MAPK8IP3: variants seen among roughly 807,000 people sequenced by gnomAD.
MAPK8IP3 encodes the protein mitogen-activated protein kinase 8 interacting protein 3.
Under a neutral mutation model 157.8 loss-of-function variants are expected in MAPK8IP3, and 49 were observed. The observed-to-expected ratio is 0.31, with a 90% CI of 0.25 to 0.39. The LOEUF is 0.39. MAPK8IP3 is among the 10% of genes least tolerant of loss of function. MAPK8IP3 has a pLI of 1.00. For missense variants in MAPK8IP3, 1,478 were observed against 1,889.4 expected (o/e 0.78, Z 4.04); for synonymous variants, 897 against 777.7 (o/e 1.15, Z -2.55).
At chr16:1,763,123 G>C (rs1218929410) in intron 16 of MAPK8IP3, 117 bp downstream of exon 16, 2 of 1,365,888 alleles carry the variant, frequency 1.5e-6, no homozygotes, top group Admixed American at 3.9e-5. Context: ...CACCTTGCTG[G>C]CCACATGCCA....
chr16:1,735,676 C>T (rs7404365), intron 4 of MAPK8IP3, among the ~76,000 whole-genome samples: 4 of 140,504 alleles, frequency 2.8e-5, no homozygotes, highest in Non-Finnish European at 4.6e-5. Context: ...TCCGTGTGAC[C>T]GTCCGTGTGA....
intron 4 of MAPK8IP3, among the ~76,000 whole-genome samples, chr16:1,737,951 C>T (rs1358160573): frequency 1.9e-5 from 1 of 52,338 alleles, no homozygotes; most frequent in Non-Finnish European, 3.4e-5. Context: ...TGTGACTGTC[C>T]GTGTGAGCGT....
chr16:1,767,123 G>C (rs781272461), intron 25 of MAPK8IP3, 26 bp from the exon 26 acceptor site: 5 of 1,611,976 alleles, frequency 3.1e-6, no homozygotes, highest in Non-Finnish European at 4.2e-6. Context: ...GGCCAGGCCT[G>C]AGCAGGTGTC....
chr16:1,715,692 G>T lies in MAPK8IP3; in HGVS notation c.319-8865G>T, dbSNP rs1037450541. On this transcript the variant is annotated intron_variant, in intron 1 of 31. Transcript: ENST00000610761. Reference sequence around the variant, plus strand: ...GCCAGAGCTGAATTGTTTCTCGCTGGTGAGCCTGGCCTAACAAACGTATGA... The same window carrying T: ...GCCAGAGCTGAATTGTTTCTCGCTGTTGAGCCTGGCCTAACAAACGTATGA... Among the ~76,000 whole-genome samples the T allele has an allele frequency of 2.6e-5, 4 of 152,150 alleles. No homozygotes were observed. The East Asian group carries it at 7.7e-4, about 29-fold the overall frequency.
chr16:1,721,013 AC>A (rs764063657), intron 1 of MAPK8IP3, among the ~76,000 whole-genome samples: 1 of 150,822 alleles, frequency 6.6e-6, no homozygotes, highest in Non-Finnish European at 1.5e-5. Flanking sequence ...AACCTAGGCA[AC>A]AAGAGCAAAA....
At chr16:1,759,833 T>C in intron 10 of MAPK8IP3, 125 bp from the exon 11 acceptor site, 1 of 813,636 alleles carries the variant, frequency 1.2e-6, no homozygotes, top group East Asian at 2.5e-5. Flanking sequence ...CCGCTCCCTG[T>C]AGATCGGGCG....
intron 4 of MAPK8IP3, among the ~76,000 whole-genome samples, chr16:1,730,592 C>T (rs990735125): frequency 6.6e-6 from 1 of 151,864 alleles, no homozygotes; most frequent in Non-Finnish European, 1.5e-5. Flanking sequence ...TCCTGTAATC[C>T]CAGCACTTTG....
intron 4 of MAPK8IP3, among the ~76,000 whole-genome samples, chr16:1,736,758 CCGTGTGACCGTCTGTGTGACCATCCG>C (rs2039907683): frequency 1.9e-5 from 1 of 53,998 alleles, no homozygotes. Flanking sequence ...ATGTGAGCAT[CCGTGTGACCGTCTGTGTGACCATCCG>C]TGTGTGACCG....
intron 4 of MAPK8IP3, among the ~76,000 whole-genome samples, chr16:1,731,726 TAAAG>T (rs1472441766): frequency 6.6e-6 from 1 of 152,208 alleles, no homozygotes; most frequent in Non-Finnish European, 1.5e-5. Context: ...TTTTGTAAAA[TAAAG>T]GAAGTAGAAC....
At chr16:1,711,266 G>C (rs1052132663) in intron 1 of MAPK8IP3, among the ~76,000 whole-genome samples, 1 of 152,256 alleles carries the variant, frequency 6.6e-6, no homozygotes, top group Non-Finnish European at 1.5e-5. Flanking sequence ...AGGGGTCCCT[G>C]TGTCCTTGTT....
At chr16:1,755,834 G>A (rs1370695196) in intron 8 of MAPK8IP3, among the ~76,000 whole-genome samples, 4 of 141,384 alleles carry the variant, frequency 2.8e-5, no homozygotes, top group Non-Finnish European at 6.0e-5. Flanking sequence ...CCTGGTGACA[G>A]AGTGAGAGTC....
At position 1,768,859 on chromosome 16, in the gene MAPK8IP3, G is replaced by A; in HGVS notation, c.*35G>A. On this transcript the variant is annotated 3_prime_UTR_variant, in exon 32 of 32. Transcript: ENST00000610761. ...CCTGCCTGGCCCGACCTGTACATAG[G>A]ACCCCCGACCACCTGACCCCCGCCC... 1.2e-6 allele frequency: 2 copies of A among 1,603,214 alleles called. No homozygotes were observed. The highest frequency in any genetic ancestry group is 1.7e-6 in the Non-Finnish European group (2 of 1,175,428).
At chr16:1,763,416 G>A (rs1000916419) in intron 16 of MAPK8IP3, among the ~76,000 whole-genome samples, 9 of 152,252 alleles carry the variant, frequency 5.9e-5, no homozygotes, top group Admixed American at 2.6e-4. Context: ...TCTGGGTCGA[G>A]CAGGGGCCAG....
chr16:1,736,204 G>A (rs2039789690), intron 4 of MAPK8IP3, among the ~76,000 whole-genome samples: 1 of 101,798 alleles, frequency 9.8e-6, no homozygotes, highest in Non-Finnish European at 2.1e-5. Flanking sequence ...GTGAGCATGT[G>A]TGACCATCCG....
intron 8 of MAPK8IP3, among the ~76,000 whole-genome samples, chr16:1,749,210 G>T (rs558863136): frequency 1.3e-5 from 2 of 152,298 alleles, no homozygotes; most frequent in East Asian, 3.9e-4. Context: ...AGTGCACGGT[G>T]CGGTGGGTTA....
At chr16:1,738,254 G>C (rs543017977) in intron 4 of MAPK8IP3, among the ~76,000 whole-genome samples, 1 of 95,476 alleles carries the variant, frequency 1.0e-5, no homozygotes, top group Admixed American at 1.1e-4. Context: ...GAGCATCCGT[G>C]TGAGCGTGTG....
intron 1 of MAPK8IP3, among the ~76,000 whole-genome samples, chr16:1,721,040 A>C (rs1481309898): frequency 6.6e-6 from 1 of 151,808 alleles, no homozygotes; most frequent in Non-Finnish European, 1.5e-5. Context: ...TCTCAAAAAA[A>C]AAAAAAACAA....
At chr16:1,761,148 G>A (rs2041909904) in intron 12 of MAPK8IP3, 76 bp from the exon 13 acceptor site, 10 of 1,166,560 alleles carry the variant, frequency 8.6e-6, no homozygotes, top group Admixed American at 1.7e-5. Flanking sequence ...CAGGTTCGGG[G>A]CGGGCACTGC....
chr16:1,729,703 A>G (rs1001997332), intron 4 of MAPK8IP3, 125 bp downstream of exon 4: 13 of 909,500 alleles, frequency 1.4e-5, no homozygotes, highest in Non-Finnish European at 2.2e-5. Context: ...ACGACAGGGA[A>G]CACTCTGGAG....
Sources: gnomAD v4.1 joint callset for allele counts (sites outside exome capture counted in the v4.1 genomes callset) on GRCh38, gnomAD v4.1.1 for gene constraint, MANE v1.5 for transcripts, NCBI Gene and HGNC (gene_info 2026-07-23, HGNC 2026-07-21) for gene names.